TAF5L: variants seen among roughly 807,000 people sequenced by gnomAD.
TAF5L encodes the protein TAF5-like RNA polymerase II p300/CBP-associated factor-associated factor 65 kDa subunit 5L.
A neutral mutation model predicts 51.3 loss-of-function variants in TAF5L; 7 were observed. The observed-to-expected ratio is 0.14, with a 90% CI of 0.08 to 0.26. The LOEUF (loss-of-function observed/expected upper bound fraction) is 0.26. Ranked by LOEUF, TAF5L falls within the 10% of genes least tolerant of loss-of-function variation. TAF5L has a pLI of 1.00. For synonymous variants in TAF5L, 291 were observed against 308.1 expected (o/e 0.94, Z 0.58); for missense variants, 575 against 758.9 (o/e 0.76, Z 2.85).
chr1:229,615,054 G>C (rs767359835), intron 1 of TAF5L, among the ~76,000 whole-genome samples: 1 of 152,148 alleles, frequency 6.6e-6, no homozygotes, highest in African/African-American at 2.4e-5. Flanking sequence ...TTAGGGATTT[G>C]CAAAATGTGT....
chr1:229,601,173 AG>A (rs1664357962), intron 4 of TAF5L: 1 of 985,362 alleles, frequency 1.0e-6, no homozygotes, highest in African/African-American at 1.7e-5. Flanking sequence ...AAAAATTCAA[AG>A]GCCATCCTAA....
Position 229,602,862 on chromosome 1 carries a change from T to A in TAF5L, c.305A>T (p.Tyr102Phe). The stretch of plus-strand genomic sequence containing the variant: ...GTTTTGGACCAGGTTGAGATGGAGG[T>A]AGACAAAGAGAGGATAGAGGAGAGG... The change falls in exon 4 of 5, where the codon TAC (tyrosine) becomes TTC (phenylalanine). Residue 102 changes from tyrosine (Y) to phenylalanine (F), a missense_variant. Tyr to Phe is a conservative substitution (Grantham distance 22). Transcript: ENST00000258281. This position sits in a 1 kb window ranked among gnomAD's most constrained non-coding sequence, Gnocchi z 4.6. 6.2e-7 allele frequency: 1 copy of A among 1,609,304 alleles called. No individual in the cohort carries two copies. The highest frequency in any genetic ancestry group is 8.5e-7 in the Non-Finnish European group (1 of 1,179,944).
chr1:229,602,118 G>A lies in TAF5L; in HGVS notation c.972+77C>T. ...AGGGAAACTAGGAAGTCCATTCTAA[G>A]ATATGTCGTGTTTGGTAAGGACATT... is the stretch of plus-strand genomic sequence containing the variant. On this transcript the variant is annotated intron_variant, in intron 4 of 4. Transcript: ENST00000258281. The surrounding 1 kb of genome is among the most constrained non-coding windows in gnomAD (Gnocchi z 4.6). The A allele has an allele frequency of 6.5e-7, 1 of 1,547,922 alleles. No individual in the cohort carries two copies. The highest frequency in any genetic ancestry group is 1.3e-5 in the South Asian group (1 of 78,174).
In TAF5L at chr1:229,625,374, G is replaced by GCTA. The variant is rs1665407832; in HGVS notation, c.-4+510_-4+511insTAG. ...CTCCTGCAGCAGCTAGTCTAACTCT[G>GCTA]GCTCCCCCGTGTCACACGCGGAGAT... On this transcript the variant is annotated intron_variant, in intron 1 of 4. Coordinates refer to ENST00000258281, the Ensembl canonical transcript of TAF5L. The surrounding 1 kb of genome is among the most constrained non-coding windows in gnomAD (Gnocchi z 4.0). 6.6e-6 allele frequency among the ~76,000 whole-genome samples: 1 copy of GCTA among 152,042 alleles called. No individual in the cohort carries two copies. The highest frequency in any genetic ancestry group is 6.5e-5 in the Admixed American group (1 of 15,270).
At chr1:229,613,992 G>A (rs1385081217) in intron 2 of TAF5L, among the ~76,000 whole-genome samples, 1 of 152,180 alleles carries the variant, frequency 6.6e-6, no homozygotes, top group African/African-American at 2.4e-5. Flanking sequence ...GCAAGAAGGG[G>A]ACAGAGGGAG....
intron 3 of TAF5L, chr1:229,607,508 C>T (rs1664640155): frequency 1.0e-6 from 1 of 981,752 alleles, no homozygotes. Context: ...CCTCTTCCTC[C>T]TCCTCTTCCA....
intron 4 of TAF5L, chr1:229,601,903 G>C (rs1009215738): frequency 6.0e-6 from 7 of 1,164,270 alleles, no homozygotes; most frequent in Non-Finnish European, 7.4e-6. Context: ...CTCAGCTAAA[G>C]TCAATATTAG....
At chr1:229,622,019 ATCTATCT>A (rs1265681776) in intron 1 of TAF5L, among the ~76,000 whole-genome samples, 3 of 1,732 alleles carry the variant, frequency 1.7e-3, no homozygotes, top group Non-Finnish European at 4.2e-3. Flanking sequence ...ATTCATCATC[ATCTATCT>A]ATCTATCTAT....
At chr1:229,624,751 C>T (rs749644157) in intron 1 of TAF5L, among the ~76,000 whole-genome samples, 3 of 152,156 alleles carry the variant, frequency 2.0e-5, no homozygotes, top group East Asian at 1.9e-4. Flanking sequence ...TTATGCTGTT[C>T]CAAAGTTTAA....
chr1:229,606,157 G>T, intron 3 of TAF5L: 1 of 985,350 alleles, frequency 1.0e-6, no homozygotes, highest in Non-Finnish European at 1.2e-6. Flanking sequence ...GTTCAAAATT[G>T]CTTAATTGCT....
At position 229,602,784 on chromosome 1, in the gene TAF5L, A is replaced by T. The variant is rs781050229; in HGVS notation, c.383T>A (p.Leu128Gln). The change falls in exon 4 of 5, where the codon CTG becomes CAG. Residue 128 changes from leucine (L) to glutamine (Q), a missense_variant. Physicochemically the swap from Leu to Gln is moderately radical, Grantham distance 113. Transcript: ENST00000258281. The surrounding 1 kb of genome is among the most constrained non-coding windows in gnomAD (Gnocchi z 4.6). Reference sequence around the variant, plus strand: ...GACATCCTTCTGGCTAGCATTCTGCAGAAACATTCCATGGAAGCGGCTGTA... The same window carrying T: ...GACATCCTTCTGGCTAGCATTCTGCTGAAACATTCCATGGAAGCGGCTGTA... The T allele has an allele frequency of 6.2e-7, 1 of 1,614,192 alleles. No homozygotes were observed. Among genetic ancestry groups the T allele is most frequent in the South Asian group, 1.1e-5 (1 of 91,092 alleles).
At position 229,613,990 on chromosome 1, in the gene TAF5L, G is replaced by T. The variant is rs185179285; in HGVS notation, c.142+351C>A. 1.5e-4 allele frequency among the ~76,000 whole-genome samples: 23 copies of T among 152,314 alleles called. No homozygotes were observed. In the East Asian group the frequency reaches 3.9e-3, roughly 26 times the overall value. ...GAGGAGAGGGGACCTGTGCAAGAAG[G>T]GGACAGAGGGAGACCCTGTCCCTAA... On this transcript the variant is annotated intron_variant, in intron 2 of 4. Coordinates refer to ENST00000258281, the Ensembl canonical transcript of TAF5L.
chr1:229,606,276 C>A lies in TAF5L; in HGVS notation c.248-3357G>T, dbSNP rs1470088842. The A allele has an allele frequency of 4.7e-6, 4 of 847,736 alleles. No individual in the cohort carries two copies. The African/African-American group carries it at 7.4e-5, about 16-fold the overall frequency. The allele number at this position is 847,736 out of a possible 1,614,324, so 52.5% of individuals were successfully genotyped here. A position where few individuals can be genotyped will look rare whatever the true frequency, so the allele number is the denominator to read the frequency against. On this transcript the variant is annotated intron_variant, in intron 3 of 4. Transcript: ENST00000258281. ...ACTCCCATTTTAAATTATTCCCTTG[C>A]AATCTAACATACTCTGTATTTTACT...
chr1:229,623,527 C>T (rs1031073184), intron 1 of TAF5L, among the ~76,000 whole-genome samples: 12 of 152,218 alleles, frequency 7.9e-5, no homozygotes, highest in Admixed American at 3.9e-4. Context: ...ACCCGCACTT[C>T]GCAGCTCAGC....
chr1:229,598,590 A>T (rs112097718), intron 4 of TAF5L, among the ~76,000 whole-genome samples: 1,989 of 152,324 alleles, frequency 0.013, 46 homozygotes, highest in African/African-American at 0.046. Flanking sequence ...GAAAAGAAAG[A>T]AGAGCAAATC....
exon 5 of TAF5L, chr1:229,593,752 A>T (rs975095477): frequency 2.6e-5 from 4 of 151,264 alleles, no homozygotes; most frequent in East Asian, 4.0e-4. Flanking sequence ...TAATAATAAT[A>T]ATTATAATTA....
At chr1:229,617,492 G>A (rs1300343037) in intron 1 of TAF5L, among the ~76,000 whole-genome samples, 2 of 152,188 alleles carry the variant, frequency 1.3e-5, no homozygotes, top group Non-Finnish European at 2.9e-5. Context: ...CTTCCACACT[G>A]CCGATCTTTT....
Position 229,598,818 on chromosome 1 carries a change from C to T in TAF5L, c.972+3377G>A, listed in dbSNP as rs1354280844. 1.3e-5 allele frequency among the ~76,000 whole-genome samples: 2 copies of T among 151,890 alleles called. 1 individual carries two copies. Among genetic ancestry groups the T allele is most frequent in the Non-Finnish European group, 2.9e-5 (2 of 68,004 alleles). On this transcript the variant is annotated intron_variant, in intron 4 of 4. Transcript: ENST00000258281. ...GGTTCAAGTGATTCTCCTGCCTCAGCCTCCTGAGTTGCTGGGATTACAGGT... is the reference window on the plus strand; with the variant it reads ...GGTTCAAGTGATTCTCCTGCCTCAGTCTCCTGAGTTGCTGGGATTACAGGT...
intron 1 of TAF5L, 150 bp from the exon 2 acceptor site, chr1:229,614,635 C>A: frequency 1.1e-6 from 1 of 900,700 alleles, no homozygotes; most frequent in Non-Finnish European, 1.7e-6. Flanking sequence ...ATCTAAGTTC[C>A]CTAATACCAA....
Sources: gnomAD v4.1 joint callset for allele counts (sites outside exome capture counted in the v4.1 genomes callset) on GRCh38, gnomAD v4.1.1 for gene constraint, Gnocchi (gnomAD v3.1) non-coding constraint, MANE v1.5 for transcripts, NCBI Gene and HGNC (gene_info 2026-07-23, HGNC 2026-07-21) for gene names.